The following ST8SIA6 variants were observed in gnomAD, a reference collection of about 807,000 sequenced individuals.
ST8SIA6 encodes ST8 alpha-N-acetyl-neuraminide alpha-2,8-sialyltransferase 6.
A neutral mutation model predicts 33.6 loss-of-function variants in ST8SIA6; 39 were observed. The ratio of observed to expected loss-of-function variants is 1.16; its 90% CI spans 0.90 to 1.52. The LOEUF is 1.52. ST8SIA6 is among the 40% of genes most tolerant of loss of function. ST8SIA6 has a pLI of 0.00. For missense variants in ST8SIA6, 441 were observed against 443.8 expected (o/e 0.99, Z 0.06); for synonymous variants, 172 against 167.2 (o/e 1.03, Z -0.22).
intron 2 of ST8SIA6, among the ~76,000 whole-genome samples, chr10:17,411,688 C>T (rs1049297737): frequency 1.3e-5 from 2 of 152,200 alleles, no homozygotes; most frequent in Admixed American, 6.5e-5. Flanking sequence ...GGTGCTTTGT[C>T]TCTATTTGCC....
intron 7 of ST8SIA6, among the ~76,000 whole-genome samples, chr10:17,321,628 C>G (rs879601485): frequency 3.3e-5 from 5 of 152,104 alleles, no homozygotes; most frequent in Non-Finnish European, 5.9e-5. Flanking sequence ...ATTTTCTATT[C>G]TTATTCGTTA....
chr10:17,358,652 T>C (rs1214979607), intron 4 of ST8SIA6, among the ~76,000 whole-genome samples: 1 of 48,456 alleles, frequency 2.1e-5, no homozygotes. Flanking sequence ...AGAAAAAGAA[T>C]AAGGAGGAGG....
chr10:17,331,317 G>A, intron 5 of ST8SIA6, 91 bp downstream of exon 5: 2 of 1,428,624 alleles, frequency 1.4e-6, no homozygotes, highest in South Asian at 1.5e-5. Flanking sequence ...TATTTTAATT[G>A]AGTCCATCAT....
At chr10:17,328,773 C>T (rs1231604448) in intron 5 of ST8SIA6, among the ~76,000 whole-genome samples, 7 of 152,136 alleles carry the variant, frequency 4.6e-5, no homozygotes, top group African/African-American at 7.2e-5. Context: ...TTTGCAAAAC[C>T]GGTATCACGG....
At chr10:17,397,901 A>G (rs1850877301) in intron 2 of ST8SIA6, among the ~76,000 whole-genome samples, 1 of 152,256 alleles carries the variant, frequency 6.6e-6, no homozygotes, top group African/African-American at 2.4e-5. Flanking sequence ...TATGGTTGAT[A>G]TACTTTTAAA....
intron 2 of ST8SIA6, among the ~76,000 whole-genome samples, chr10:17,419,746 G>T (rs1361806149): frequency 6.6e-6 from 1 of 152,058 alleles, no homozygotes; most frequent in Non-Finnish European, 1.5e-5. Context: ...TCCCTTTCTT[G>T]TTTTTGTTTA....
chr10:17,390,654 T>C (rs773724824), intron 2 of ST8SIA6, 34 bp from the exon 3 acceptor site: 1 of 1,546,144 alleles, frequency 6.5e-7, no homozygotes. Context: ...AAAAGATTGA[T>C]TTAAAATGAG....
At chr10:17,437,992 G>T (rs1325797725) in intron 2 of ST8SIA6, among the ~76,000 whole-genome samples, 3 of 152,062 alleles carry the variant, frequency 2.0e-5, no homozygotes, top group African/African-American at 7.2e-5. Context: ...GCCTCCTAAA[G>T]TGCTGGGAAT....
chr10:17,376,831 A>C (rs564634191), intron 3 of ST8SIA6, among the ~76,000 whole-genome samples: 1 of 152,336 alleles, frequency 6.6e-6, no homozygotes, highest in African/African-American at 2.4e-5. Context: ...TCAAGGGAAG[A>C]GGATGGGGTA....
At chr10:17,386,175 T>TCACACACA (rs371809115) in intron 3 of ST8SIA6, among the ~76,000 whole-genome samples, 8 of 150,078 alleles carry the variant, frequency 5.3e-5, no homozygotes, top group African/African-American at 2.0e-4. Flanking sequence ...AGTGAGACTG[T>TCACACACA]CACACACACA....
chr10:17,345,865 T>C (rs1161188115), intron 4 of ST8SIA6, among the ~76,000 whole-genome samples: 1 of 152,170 alleles, frequency 6.6e-6, no homozygotes, highest in Non-Finnish European at 1.5e-5. Flanking sequence ...TGACACAGTG[T>C]TGCAGTGGCC....
At chr10:17,392,269 C>T (rs1850644694) in intron 2 of ST8SIA6, among the ~76,000 whole-genome samples, 1 of 152,356 alleles carries the variant, frequency 6.6e-6, no homozygotes, top group Admixed American at 6.5e-5. Context: ...TCTCTACTCA[C>T]ACTGAGGGGT....
At chr10:17,329,686 G>T (rs918222110) in intron 5 of ST8SIA6, among the ~76,000 whole-genome samples, 1 of 152,092 alleles carries the variant, frequency 6.6e-6, no homozygotes, top group Non-Finnish European at 1.5e-5. Flanking sequence ...CTCACAATAA[G>T]GAATGTTTTT....
Position 17,316,390 on chromosome 10 carries a change from G to A in ST8SIA6, c.*4488C>T, listed in dbSNP as rs1221529492. Among the ~76,000 whole-genome samples, 2 of 152,084 alleles carry A rather than the reference G, an allele frequency of 1.3e-5. No individual in the cohort carries two copies. The highest frequency in any genetic ancestry group is 4.8e-5 in the African/African-American group (2 of 41,432). ...CCACACTATGGATCCAGTCAAGTTAGTTCACTGACTTCCGAAGAGACAGAT... is the reference window on the plus strand; with the variant it reads ...CCACACTATGGATCCAGTCAAGTTAATTCACTGACTTCCGAAGAGACAGAT... On this transcript the variant is annotated 3_prime_UTR_variant, in exon 8 of 8. Transcript: ENST00000377602.
chr10:17,341,343 T>C (rs1482219666), intron 4 of ST8SIA6, among the ~76,000 whole-genome samples: 1 of 152,174 alleles, frequency 6.6e-6, no homozygotes, highest in Non-Finnish European at 1.5e-5. Context: ...GAAGAACTAA[T>C]AACGTCCCGG....
Position 17,323,711 on chromosome 10 carries a change from C to T in ST8SIA6, c.636-554G>A, listed in dbSNP as rs1310466634. Among the ~76,000 whole-genome samples the T allele has an allele frequency of 4.6e-5, 7 of 152,148 alleles. 1 individual carries two copies. Among genetic ancestry groups the T allele is most frequent in the African/African-American group, 1.7e-4 (7 of 41,514 alleles). On this transcript the variant is annotated intron_variant, in intron 6 of 7. Coordinates refer to ENST00000377602, the MANE Select transcript of ST8SIA6 (RefSeq NM_001004470.3). ...AAATTACAAATTTGATAAATGCTTTCAATATGGATAATAACTTTTATAAGT... is the reference window on the plus strand; with the variant it reads ...AAATTACAAATTTGATAAATGCTTTTAATATGGATAATAACTTTTATAAGT...
chr10:17,316,492 G>A lies in ST8SIA6; in HGVS notation c.*4386C>T, dbSNP rs2131562735. On this transcript the variant is annotated 3_prime_UTR_variant, in exon 8 of 8. Transcript: ENST00000377602. ...TACCTTAATACTTGTTTTTTTGTGTGGATCAGAACAGGTCCTCTTGGCTGT... is the reference window on the plus strand; with the variant it reads ...TACCTTAATACTTGTTTTTTTGTGTAGATCAGAACAGGTCCTCTTGGCTGT... Among the ~76,000 whole-genome samples the A allele has an allele frequency of 6.6e-6, 1 of 151,908 alleles. No individual in the cohort carries two copies. Among genetic ancestry groups the A allele is most frequent in the African/African-American group, 2.4e-5 (1 of 41,454 alleles).
chr10:17,441,453 C>G (rs1346064714), intron 2 of ST8SIA6, among the ~76,000 whole-genome samples: 2 of 152,088 alleles, frequency 1.3e-5, no homozygotes, highest in African/African-American at 4.8e-5. Context: ...GCTCGGATGA[C>G]AGGCATGCAC....
intron 3 of ST8SIA6, among the ~76,000 whole-genome samples, chr10:17,372,858 A>T (rs181332657): frequency 6.6e-6 from 1 of 152,296 alleles, no homozygotes; most frequent in Non-Finnish European, 1.5e-5. Flanking sequence ...TATTGGTTTC[A>T]TGGGGCAGCC....
Sources: allele counts gnomAD v4.1 joint callset (sites outside exome capture counted in the v4.1 genomes callset), GRCh38; gene constraint gnomAD v4.1.1; transcripts MANE v1.5; gene names NCBI Gene and HGNC (gene_info 2026-07-23, HGNC 2026-07-21).